LEP: variants seen among roughly 807,000 people sequenced by gnomAD.
LEP encodes leptin (murine obesity homolog).
Under a neutral mutation model 9.8 loss-of-function variants are expected in LEP, and 6 were observed. The observed-to-expected ratio is 0.61, with a 90% CI of 0.34 to 1.21. The LOEUF (loss-of-function observed/expected upper bound fraction) is 1.21, where lower values mean the gene tolerates loss of function less well. Ranked by LOEUF, LEP falls within the 50% of genes most tolerant of loss-of-function variation. The pLI, the probability that LEP is intolerant of heterozygous loss-of-function variation, is 0.04. For synonymous variants in LEP, 112 were observed against 81.7 expected, an observed-to-expected ratio of 1.37 and a Z score of -2.00; for missense variants, 134 against 198.1, an observed-to-expected ratio of 0.68 and a Z score of 1.94.
At chr7:128,247,182 G>A (rs546442259) in intron 1 of LEP, among the ~76,000 whole-genome samples, 5 of 152,248 alleles carry the variant, frequency 3.3e-5, no homozygotes, top group Admixed American at 6.5e-5. Context: ...ACAGCTGATC[G>A]CGGCCTTTCT....
chr7:128,250,935 C>T (rs756651950), intron 1 of LEP, among the ~76,000 whole-genome samples: 6 of 152,178 alleles, frequency 3.9e-5, no homozygotes, highest in Non-Finnish European at 5.9e-5. Context: ...AATTTTGCTG[C>T]TTAATCAAGG....
In LEP at chr7:128,242,191, TG is replaced by T. The variant is rs545511953; in HGVS notation, c.-29+886del. On this transcript the variant is annotated intron_variant, in intron 1 of 2. Transcript: ENST00000308868. ...GTCCAAGTGAGACAAGTGGCCTGGC[TG>T]TCATTTCAGAATAGCAGCTTCCAAG... Among the ~76,000 whole-genome samples, 199 of 152,332 alleles carry T rather than the reference TG, an allele frequency of 1.3e-3. 8 individuals are homozygous for T. In the South Asian group the frequency reaches 0.04, roughly 31 times the overall value.
Position 128,254,643 on chromosome 7 carries a change from G to A in LEP, c.384G>A (p.Leu128=). 6.2e-7 allele frequency: 1 copy of A among 1,614,136 alleles called. No individual in the cohort carries two copies. The highest frequency in any genetic ancestry group is 8.5e-7 in the Non-Finnish European group (1 of 1,180,022). The part of the protein sequence containing the change: ...HLPWASGLET[L]DSLGGVLEAS... The stretch of plus-strand genomic sequence containing the variant: ...CCTGGGCCAGTGGCCTGGAGACCTT[G>A]GACAGCCTGGGGGGTGTCCTGGAAG... The change falls in exon 3 of 3, where the codon TTG becomes TTA. Residue 128 remains leucine, a synonymous_variant. Transcript: ENST00000308868.
chr7:128,243,543 G>A (rs1795175970), intron 1 of LEP, among the ~76,000 whole-genome samples: 2 of 152,168 alleles, frequency 1.3e-5, no homozygotes, highest in South Asian at 4.1e-4. Flanking sequence ...GGAAGCTGAA[G>A]GGAATCCTGG....
chr7:128,241,673 T>TA (rs758629725), intron 1 of LEP, among the ~76,000 whole-genome samples: 2 of 152,100 alleles, frequency 1.3e-5, no homozygotes, highest in East Asian at 3.9e-4. Context: ...CTGAAGGAGA[T>TA]AAAGTTGGGG....
chr7:128,241,993 C>T (rs550481265), intron 1 of LEP, among the ~76,000 whole-genome samples: 1 of 152,332 alleles, frequency 6.6e-6, no homozygotes, highest in Admixed American at 6.5e-5. Context: ...TATTAGGGAA[C>T]TTCTAGCCAG....
At chr7:128,251,217 GC>G (rs1795271034) in intron 1 of LEP, among the ~76,000 whole-genome samples, 1 of 152,182 alleles carries the variant, frequency 6.6e-6, no homozygotes, top group Non-Finnish European at 1.5e-5. Context: ...GCTTAGAATG[GC>G]CCATTGACCT....
At position 128,257,144 on chromosome 7, in the gene LEP, G is replaced by C. The variant is rs2116234993; in HGVS notation, c.*2381G>C. 1 of 152,220 alleles carries C rather than the reference G, an allele frequency of 6.6e-6. No individual in the cohort carries two copies. The highest frequency in any genetic ancestry group is 3.4e-3 in the Middle Eastern group (1 of 296). The allele number at this position is 152,220 out of a possible 1,614,324, so 9.4% of individuals were successfully genotyped here. Reference sequence around the variant, plus strand: ...GAGCTGCTCTGGAAAATGTGACCCAGATCCTCACAACCACCTAATCAGGCT... The same window carrying C: ...GAGCTGCTCTGGAAAATGTGACCCACATCCTCACAACCACCTAATCAGGCT... On this transcript the variant is annotated 3_prime_UTR_variant, in exon 3 of 3. Transcript: ENST00000308868.
chr7:128,251,762 G>A (rs1795277347), intron 1 of LEP, among the ~76,000 whole-genome samples: 1 of 152,192 alleles, frequency 6.6e-6, no homozygotes, highest in African/African-American at 2.4e-5. Context: ...GTGGTCTACA[G>A]GATACCTCAT....
chr7:128,247,609 C>T (rs28954095), intron 1 of LEP, among the ~76,000 whole-genome samples: 5,031 of 152,252 alleles, frequency 0.033, 236 homozygotes, highest in African/African-American at 0.11. Context: ...CCCTCTCCTC[C>T]ACCTTCACAA....
chr7:128,250,498 T>C (rs991404786), intron 1 of LEP, among the ~76,000 whole-genome samples: 2 of 152,126 alleles, frequency 1.3e-5, no homozygotes, highest in Admixed American at 6.6e-5. Flanking sequence ...TGGCTCGCAC[T>C]CCTGCTTTCT....
At position 128,256,628 on chromosome 7, in the gene LEP, C is replaced by T. The variant is rs1348218767; in HGVS notation, c.*1865C>T. ...GCCGTGCCCAGGGGCCCACAGGGAA[C>T]CCTGCTTGCACTTTGTAACATGTTT... On this transcript the variant is annotated 3_prime_UTR_variant, in exon 3 of 3. Coordinates refer to ENST00000308868, the MANE Select transcript of LEP (RefSeq NM_000230.3). 6.6e-6 allele frequency: 1 copy of T among 152,254 alleles called. No homozygotes were observed. Among genetic ancestry groups the T allele is most frequent in the Admixed American group, 6.5e-5 (1 of 15,290 alleles). 9.4% of individuals were successfully genotyped at this position (152,254 alleles called of 1,614,324 possible).
rs114834517 is a variant in LEP at position 128,255,548 on chromosome 7, A to C, written c.*785A>C. ...TGAGTGGATCTCCAAGGACCAGGTT[A>C]TTTTAAAAAGATTTGTTTTGTCAAG... On this transcript the variant is annotated 3_prime_UTR_variant, in exon 3 of 3. Transcript: ENST00000308868. The C allele has an allele frequency of 8.5e-4, 130 of 152,286 alleles. No homozygotes were observed. The highest frequency in any genetic ancestry group is 2.7e-3 in the African/African-American group (113 of 41,538). The allele number at this position is 152,286 out of a possible 1,614,324, so 9.4% of individuals were successfully genotyped here. A position where few individuals can be genotyped will look rare whatever the true frequency, so the allele number is the denominator to read the frequency against.
chr7:128,242,490 A>G (rs1234214770), intron 1 of LEP, among the ~76,000 whole-genome samples: 2 of 152,168 alleles, frequency 1.3e-5, no homozygotes, highest in Non-Finnish European at 2.9e-5. Flanking sequence ...ATGCCCTTAG[A>G]AACAAGAAGG....
At chr7:128,243,460 C>A (rs1795174700) in intron 1 of LEP, among the ~76,000 whole-genome samples, 1 of 152,068 alleles carries the variant, frequency 6.6e-6, no homozygotes, top group Admixed American at 6.5e-5. Flanking sequence ...AGTGCAGGAG[C>A]AGGAGCCAGG....
In LEP at chr7:128,255,942, G is replaced by A. The variant is rs1795334144; in HGVS notation, c.*1179G>A. ...CTAGGGAGTGGTCTTTCCTATCATG[G>A]AGTGACGGTCCCACACTGGTGACTG... On this transcript the variant is annotated 3_prime_UTR_variant, in exon 3 of 3. Coordinates refer to ENST00000308868, the MANE Select transcript of LEP (RefSeq NM_000230.3). The A allele has an allele frequency of 6.6e-6, 1 of 152,258 alleles. No homozygotes were observed. The highest frequency in any genetic ancestry group is 1.5e-5 in the Non-Finnish European group (1 of 68,064). The allele number at this position is 152,258 out of a possible 1,614,324, so 9.4% of individuals were successfully genotyped here.
chr7:128,245,194 A>T (rs1394740134), intron 1 of LEP, among the ~76,000 whole-genome samples: 1 of 151,978 alleles, frequency 6.6e-6, no homozygotes, highest in Non-Finnish European at 1.5e-5. Flanking sequence ...TCCCAAACCA[A>T]CTATGGCTTT....
At chr7:128,243,885 G>A (rs1795180094) in intron 1 of LEP, among the ~76,000 whole-genome samples, 1 of 152,138 alleles carries the variant, frequency 6.6e-6, no homozygotes, top group African/African-American at 2.4e-5. Flanking sequence ...TAATTGATCA[G>A]GGCAACCTCT....
At chr7:128,253,230 G>A (rs1215682865) in intron 2 of LEP, among the ~76,000 whole-genome samples, 2 of 152,094 alleles carry the variant, frequency 1.3e-5, no homozygotes, top group Non-Finnish European at 2.9e-5. Context: ...TGTAGTTCCA[G>A]CTGATCTCTG....
Sources: gnomAD v4.1 joint callset for allele counts (sites outside exome capture counted in the v4.1 genomes callset) on GRCh38, gnomAD v4.1.1 for gene constraint, MANE v1.5 for transcripts, NCBI Gene and HGNC (gene_info 2026-07-23, HGNC 2026-07-21) for gene names.